The following TAFA1 variants were observed in gnomAD, a reference collection of about 807,000 sequenced individuals.
TAFA1 encodes TAFA chemokine like family member 1.
Under a neutral mutation model 18.5 loss-of-function variants are expected in TAFA1, and 4 were observed. The ratio of observed to expected loss-of-function variants is 0.22; its 90% CI spans 0.11 to 0.49. TAFA1 has a LOEUF of 0.49. Ranked by LOEUF, TAFA1 falls within the 20% of genes least tolerant of loss-of-function variation. The pLI, the probability that TAFA1 is intolerant of heterozygous loss-of-function variation, is 0.98. For synonymous variants in TAFA1, 56 were observed against 55.2 expected, an observed-to-expected ratio of 1.01 and a Z score of -0.06; for missense variants, 147 against 169.0, an observed-to-expected ratio of 0.87 and a Z score of 0.72.
intron 3 of TAFA1, among the ~76,000 whole-genome samples, chr3:68,433,127 G>A (rs544010505): frequency 6.6e-6 from 1 of 152,122 alleles, no homozygotes; most frequent in African/African-American, 2.4e-5. Context: ...ATTTCCACCA[G>A]TCTGCTTACT....
chr3:68,494,392 G>T (rs968098746), intron 3 of TAFA1, among the ~76,000 whole-genome samples: 1 of 152,202 alleles, frequency 6.6e-6, no homozygotes, highest in African/African-American at 2.4e-5. Context: ...TAGTGTGCTA[G>T]TTGATATCTG....
intron 3 of TAFA1, among the ~76,000 whole-genome samples, chr3:68,452,383 C>T (rs903793252): frequency 4.0e-5 from 6 of 151,724 alleles, no homozygotes; most frequent in African/African-American, 7.3e-5. Flanking sequence ...ATTAGCTGGG[C>T]GTTGTTGCAG....
At chr3:68,384,518 T>C (rs1306706255) in intron 2 of TAFA1, among the ~76,000 whole-genome samples, 2 of 152,172 alleles carry the variant, frequency 1.3e-5, no homozygotes, top group Non-Finnish European at 2.9e-5. Flanking sequence ...CATTGTGCTA[T>C]GGTCAGAAAG....
chr3:68,210,635 T>TA (rs2066585266), intron 2 of TAFA1, among the ~76,000 whole-genome samples: 1 of 151,924 alleles, frequency 6.6e-6, no homozygotes, highest in Admixed American at 6.6e-5. Context: ...CTAACACGTG[T>TA]ACCCATTCTT....
At chr3:68,300,433 T>C (rs561433076) in intron 2 of TAFA1, among the ~76,000 whole-genome samples, 2 of 152,278 alleles carry the variant, frequency 1.3e-5, no homozygotes, top group African/African-American at 2.4e-5. Context: ...GCTACCCCCA[T>C]TGTATCTTGG....
At chr3:68,181,627 G>T (rs949136131) in intron 2 of TAFA1, among the ~76,000 whole-genome samples, 1 of 152,102 alleles carries the variant, frequency 6.6e-6, no homozygotes, top group African/African-American at 2.4e-5. Flanking sequence ...TTCATATGTG[G>T]TTCCAAATAT....
intron 2 of TAFA1, among the ~76,000 whole-genome samples, chr3:68,190,155 C>T (rs567459227): frequency 3.9e-5 from 6 of 152,002 alleles, no homozygotes; most frequent in Admixed American, 2.0e-4. Flanking sequence ...AACATTTTGT[C>T]ATTCTTTTTT....
intron 2 of TAFA1, among the ~76,000 whole-genome samples, chr3:68,332,663 G>T (rs1457774002): frequency 6.6e-6 from 1 of 152,136 alleles, no homozygotes; most frequent in African/African-American, 2.4e-5. Context: ...ACAGGTATGT[G>T]GAAAGGTACT....
chr3:68,345,032 C>G, intron 2 of TAFA1, among the ~76,000 whole-genome samples: 1 of 141,160 alleles, frequency 7.1e-6, no homozygotes, highest in Admixed American at 7.1e-5. Context: ...GGCCCTATCT[C>G]AAAAAAAAAA....
At chr3:68,068,946 C>T (rs2064717812) in intron 2 of TAFA1, among the ~76,000 whole-genome samples, 1 of 152,174 alleles carries the variant, frequency 6.6e-6, no homozygotes, top group Non-Finnish European at 1.5e-5. Context: ...CAAAGGTTGT[C>T]AGTAACACAG....
chr3:68,131,023 C>T (rs2065529866), intron 2 of TAFA1, among the ~76,000 whole-genome samples: 1 of 152,162 alleles, frequency 6.6e-6, no homozygotes, highest in South Asian at 2.1e-4. Context: ...TTCGACTTCA[C>T]CATTTCATCC....
chr3:68,233,410 C>G (rs1405592680), intron 2 of TAFA1, among the ~76,000 whole-genome samples: 1 of 151,960 alleles, frequency 6.6e-6, no homozygotes, highest in East Asian at 1.9e-4. Context: ...AATGTATGTT[C>G]TTGGTGCTTT....
intron 2 of TAFA1, among the ~76,000 whole-genome samples, chr3:68,353,818 A>G (rs2069314174): frequency 6.6e-6 from 1 of 152,006 alleles, no homozygotes; most frequent in South Asian, 2.1e-4. Flanking sequence ...GCTTTATTCC[A>G]CGTATGGGCT....
chr3:68,330,622 A>C (rs1405037844), intron 2 of TAFA1, among the ~76,000 whole-genome samples: 1 of 152,232 alleles, frequency 6.6e-6, no homozygotes, highest in African/African-American at 2.4e-5. Context: ...ACAATTTACA[A>C]GGGAAGAAAT....
At chr3:68,155,846 A>C (rs909886651) in intron 2 of TAFA1, among the ~76,000 whole-genome samples, 8 of 152,184 alleles carry the variant, frequency 5.3e-5, no homozygotes, top group Non-Finnish European at 1.0e-4. Context: ...CAGGGTGTCA[A>C]ACTTGAACAG....
At chr3:68,123,878 CAAAAAAAAAAAAAAAAAAAAAAAAA>C (rs758966848) in intron 2 of TAFA1, among the ~76,000 whole-genome samples, 4 of 72,128 alleles carry the variant, frequency 5.5e-5, no homozygotes, top group Admixed American at 1.7e-4. Context: ...CTTTTTTTTC[CAAAAAAAAAAAAAAAAAAAAAAAAA>C]AAAAAAAAAA....
At chr3:68,369,336 G>A (rs2069634738) in intron 2 of TAFA1, among the ~76,000 whole-genome samples, 1 of 152,162 alleles carries the variant, frequency 6.6e-6, no homozygotes, top group Non-Finnish European at 1.5e-5. Context: ...TAGTTGATAT[G>A]AAGAAAAAGG....
chr3:68,443,040 A>G (rs950586413), intron 3 of TAFA1, among the ~76,000 whole-genome samples: 1 of 152,156 alleles, frequency 6.6e-6, no homozygotes, highest in Non-Finnish European at 1.5e-5. Flanking sequence ...TGGCTCTGTT[A>G]TATATGACTA....
At chr3:68,041,068 TG>T (rs1705154381) in intron 2 of TAFA1, among the ~76,000 whole-genome samples, 1 of 152,200 alleles carries the variant, frequency 6.6e-6, no homozygotes, top group African/African-American at 2.4e-5. Context: ...TTATTGCAAA[TG>T]TACACATTAA....
Sources: allele counts gnomAD v4.1 joint callset (sites outside exome capture counted in the v4.1 genomes callset), GRCh38; gene constraint gnomAD v4.1.1; transcripts MANE v1.5; gene names NCBI Gene and HGNC (gene_info 2026-07-23, HGNC 2026-07-21).